The following WFDC3 variants were observed in gnomAD, a reference collection of about 807,000 sequenced individuals.
WFDC3 encodes the protein WAP four-disulfide core domain protein 3.
A neutral mutation model predicts 25.8 loss-of-function variants in WFDC3; 15 were observed. That is an observed-to-expected ratio of 0.58 (90% CI 0.39 to 0.89). The LOEUF is 0.89. Ranked by LOEUF, WFDC3 falls within the 40% of genes least tolerant of loss-of-function variation. The probability of loss-of-function intolerance (pLI) is 0.00; values close to 1 mark genes in which losing one functional copy is unlikely to be tolerated. For missense variants in WFDC3, 264 were observed against 289.8 expected (o/e 0.91, Z 0.65); for synonymous variants, 103 against 107.1 (o/e 0.96, Z 0.24).
At chr20:45,786,207 T>C (rs575551355) in intron 4 of WFDC3, among the ~76,000 whole-genome samples, 1 of 152,216 alleles carries the variant, frequency 6.6e-6, no homozygotes, top group South Asian at 2.1e-4. Flanking sequence ...CCAGCCAACA[T>C]GGTGAGACCC....
intron 4 of WFDC3, among the ~76,000 whole-genome samples, 166 bp from the exon 5 acceptor site, chr20:45,777,375 G>A (rs1980240553): frequency 6.6e-6 from 1 of 151,964 alleles, no homozygotes; most frequent in Admixed American, 6.6e-5. Flanking sequence ...TTTTAAGACA[G>A]GGTCTCACTG....
intron 4 of WFDC3, chr20:45,779,789 A>G (rs16990761): frequency 0.12 from 18,267 of 152,126 alleles, 1,644 homozygotes; most frequent in African/African-American, 0.25. Context: ...GACCAATGCC[A>G]GGAGCTCTCT....
At chr20:45,790,049 G>T (rs759610822) in intron 1 of WFDC3, 67 bp from the exon 2 acceptor site, 2 of 1,309,760 alleles carry the variant, frequency 1.5e-6, no homozygotes, top group South Asian at 1.2e-5. Flanking sequence ...ATCAGCTGAG[G>T]TATGAGCAGG....
chr20:45,784,602 A>G (rs1326823612), intron 4 of WFDC3, among the ~76,000 whole-genome samples: 4 of 152,118 alleles, frequency 2.6e-5, no homozygotes. Flanking sequence ...TTAGCTGAGC[A>G]TAGTGGCACA....
chr20:45,784,236 A>C (rs1327087830), intron 4 of WFDC3, among the ~76,000 whole-genome samples: 1 of 152,202 alleles, frequency 6.6e-6, no homozygotes, highest in Non-Finnish European at 1.5e-5. Context: ...CAAGGAGAAC[A>C]ACCTTCCATT....
chr20:45,789,205 T>TAAA, intron 2 of WFDC3, 146 bp from the exon 3 acceptor site: 2 of 783,974 alleles, frequency 2.6e-6, no homozygotes, highest in South Asian at 2.2e-5. Context: ...CCCTGTCTCT[T>TAAA]AAAAAAAAAA....
intron 5 of WFDC3, among the ~76,000 whole-genome samples, chr20:45,776,278 CTGTGTGTGTGTGTGTGTGTG>C: frequency 9.8e-6 from 1 of 102,036 alleles, no homozygotes; most frequent in African/African-American, 3.5e-5. Context: ...GCTTTTATCT[CTGTGTGTGTGTGTGTGTGTG>C]TGTGTGTGTG....
intron 4 of WFDC3, among the ~76,000 whole-genome samples, chr20:45,787,093 CAAAAAAAAAAAAAA>C (rs71181858): frequency 3.7e-5 from 1 of 26,806 alleles, no homozygotes; most frequent in African/African-American, 1.6e-4. Flanking sequence ...GACTCTCTCT[CAAAAAAAAAAAAAA>C]AAAAAAAAAA....
chr20:45,777,077 C>A lies in WFDC3; in HGVS notation c.491G>T (p.Gly164Val), dbSNP rs1568697685. The change falls in exon 5 of 7, where the codon GGA (glycine) becomes GTA (valine). Residue 164 changes from glycine (G) to valine (V), a missense_variant and splice_region_variant. Transcript: ENST00000243938. ...TCTTCCCAAAAGAGCCAACATACCT[C>A]CCTCAATGTCTCCGAGGCAGGTGCG... ...CGRTCLGDIEGGRGGDCPKVL... is the reference protein window; with the variant it reads ...CGRTCLGDIEVGRGGDCPKVL... 1 of 1,612,786 alleles carries A rather than the reference C, an allele frequency of 6.2e-7. No individual in the cohort carries two copies. The highest frequency in any genetic ancestry group is 2.2e-5 in the East Asian group (1 of 44,810).
At chr20:45,775,232 G>T (rs1012997989) in intron 6 of WFDC3, among the ~76,000 whole-genome samples, 185 bp downstream of exon 6, 5 of 152,128 alleles carry the variant, frequency 3.3e-5, no homozygotes, top group African/African-American at 1.2e-4. Context: ...TGGGACACAG[G>T]TTTGCCACAC....
At chr20:45,778,052 G>T (rs1345434231) in intron 4 of WFDC3, among the ~76,000 whole-genome samples, 2 of 152,132 alleles carry the variant, frequency 1.3e-5, no homozygotes, top group Non-Finnish European at 1.5e-5. Flanking sequence ...CATCTGACTT[G>T]CTTTGACCAA....
At position 45,775,578 on chromosome 20, in the gene WFDC3, AC is replaced by A. The variant is rs1478804718; in HGVS notation, c.517del (p.Val173PhefsTer11). On this transcript the variant is annotated frameshift_variant, in exon 6 of 7. Coordinates refer to ENST00000243938, the MANE Select transcript of WFDC3 (RefSeq NM_080614.2). LOFTEE classifies it high-confidence loss of function. ...EGGRGGDCPK[V>X]LVGLCIVGCV... ...GCCAACAATGCACAGGCCCACCAGA[AC>A]TTTTGGACAATCACCGCCCCGCCCT... 6.2e-7 allele frequency: 1 copy of A among 1,614,154 alleles called. No individual in the cohort carries two copies. Among genetic ancestry groups the A allele is most frequent in the South Asian group, 1.1e-5 (1 of 91,074 alleles).
intron 4 of WFDC3, 61 bp from the exon 5 acceptor site, chr20:45,777,270 T>G: frequency 7.2e-7 from 1 of 1,386,300 alleles, no homozygotes; most frequent in Non-Finnish European, 9.4e-7. Context: ...TTTTTCATTG[T>G]GTCCCATGTG....
intron 4 of WFDC3, among the ~76,000 whole-genome samples, chr20:45,781,521 A>G (rs536067635): frequency 6.6e-6 from 1 of 152,370 alleles, no homozygotes. Flanking sequence ...AAAAGGATAC[A>G]AAGAAAAATC....
chr20:45,777,530 T>C (rs1980247710), intron 4 of WFDC3, among the ~76,000 whole-genome samples: 1 of 151,962 alleles, frequency 6.6e-6, no homozygotes. Context: ...TATTTATTTA[T>C]TTTGTAGAGA....
At chr20:45,776,753 T>G (rs1980204052) in intron 5 of WFDC3, among the ~76,000 whole-genome samples, 1 of 150,536 alleles carries the variant, frequency 6.6e-6, no homozygotes, top group Admixed American at 6.7e-5. Flanking sequence ...CTTGGGCAAC[T>G]CCTTCATTTT....
At chr20:45,781,277 A>ACAT (rs199878646) in intron 4 of WFDC3, among the ~76,000 whole-genome samples, 8,502 of 152,098 alleles carry the variant, frequency 0.056, 585 homozygotes, top group African/African-American at 0.16. Flanking sequence ...ACACACACAC[A>ACAT]CATCATCATG....
At chr20:45,779,309 T>G (rs1980334613) in intron 4 of WFDC3, among the ~76,000 whole-genome samples, 1 of 152,218 alleles carries the variant, frequency 6.6e-6, no homozygotes, top group Non-Finnish European at 1.5e-5. Context: ...ACTGGCCCAG[T>G]GCCTCTGAGT....
chr20:45,789,741 C>T (rs7346485), intron 2 of WFDC3, among the ~76,000 whole-genome samples, 153 bp downstream of exon 2: 7 of 152,200 alleles, frequency 4.6e-5, no homozygotes, highest in African/African-American at 1.7e-4. Context: ...TGACCCAGGC[C>T]ATCCTGAGAA....
Sources: gnomAD v4.1 joint callset for allele counts (sites outside exome capture counted in the v4.1 genomes callset) on GRCh38, gnomAD v4.1.1 for gene constraint, MANE v1.5 for transcripts, NCBI Gene and HGNC (gene_info 2026-07-23, HGNC 2026-07-21) for gene names.